ADCY8: variants seen among roughly 807,000 people sequenced by gnomAD.
ADCY8 encodes adenylate cyclase 8, also known as adenylate cyclase type 8.
In ADCY8, 51 loss-of-function variants were observed where a neutral mutation model predicts 119.7. The ratio of observed to expected loss-of-function variants is 0.43; its 90% CI spans 0.34 to 0.54. ADCY8 has a LOEUF of 0.54. Among genes scored for constraint, ADCY8 ranks in the 20% least tolerant of loss-of-function variants. ADCY8 has a pLI of 0.03. For missense variants in ADCY8, 1,383 were observed against 1,598.8 expected, an observed-to-expected ratio of 0.87 and a Z score of 2.30; for synonymous variants, 665 against 651.0, an observed-to-expected ratio of 1.02 and a Z score of -0.33.
intron 4 of ADCY8, among the ~76,000 whole-genome samples, chr8:130,939,303 T>A (rs1032969090): frequency 2.0e-5 from 3 of 152,224 alleles, no homozygotes; most frequent in African/African-American, 7.2e-5. Flanking sequence ...ATTGCTTTTA[T>A]CATTTTTAAA....
chr8:130,879,706 A>T (rs1336368164), intron 8 of ADCY8, among the ~76,000 whole-genome samples: 1 of 152,234 alleles, frequency 6.6e-6, no homozygotes, highest in Non-Finnish European at 1.5e-5. Flanking sequence ...AGCCTGAAAT[A>T]GTTAAATGTG....
intron 15 of ADCY8, among the ~76,000 whole-genome samples, chr8:130,798,056 TTCC>T (rs1815641424): frequency 6.6e-6 from 1 of 152,208 alleles, no homozygotes; most frequent in Non-Finnish European, 1.5e-5. Flanking sequence ...AGGCTAATAA[TTCC>T]TAGCCTAAGG....
intron 1 of ADCY8, among the ~76,000 whole-genome samples, chr8:130,996,766 AAAAATGTGAGC>A (rs1822790129): frequency 1.3e-5 from 2 of 152,196 alleles, no homozygotes; most frequent in African/African-American, 2.4e-5. Context: ...ATCTAAGCAG[AAAAATGTGAGC>A]AAAGTCTCAA....
intron 1 of ADCY8, among the ~76,000 whole-genome samples, chr8:131,012,399 T>C (rs1159553198): frequency 2.6e-5 from 4 of 152,168 alleles, no homozygotes; most frequent in African/African-American, 7.2e-5. Context: ...AAGACTCAAC[T>C]GCAGCAAAAG....
At chr8:130,999,620 A>G (rs1459682670) in intron 1 of ADCY8, among the ~76,000 whole-genome samples, 1 of 152,142 alleles carries the variant, frequency 6.6e-6, no homozygotes, top group Non-Finnish European at 1.5e-5. Context: ...TCTTCATAGC[A>G]CACTTTGTAC....
chr8:130,917,304 G>T (rs778745725), intron 5 of ADCY8, among the ~76,000 whole-genome samples: 1 of 152,168 alleles, frequency 6.6e-6, no homozygotes, highest in Non-Finnish European at 1.5e-5. Context: ...GACAGATCAA[G>T]TTCTGCATTC....
intron 1 of ADCY8, among the ~76,000 whole-genome samples, chr8:131,030,820 C>T (rs560793353): frequency 1.3e-5 from 2 of 152,312 alleles, no homozygotes; most frequent in South Asian, 4.1e-4. Context: ...TTTTGGCCAT[C>T]CTTTCTTGCT....
intron 9 of ADCY8, among the ~76,000 whole-genome samples, chr8:130,860,161 G>A (rs1220419957): frequency 6.6e-6 from 1 of 152,154 alleles, no homozygotes; most frequent in African/African-American, 2.4e-5. Flanking sequence ...GGCCAATGAT[G>A]TTGAGCATTT....
At chr8:130,849,532 G>T (rs1357124488) in intron 10 of ADCY8, 70 bp downstream of exon 10, 1 of 1,508,564 alleles carries the variant, frequency 6.6e-7, no homozygotes, top group Non-Finnish European at 9.2e-7. Context: ...GCAGGAAGCT[G>T]CAGGCTCCAT....
At chr8:130,873,504 G>A (rs908973998) in intron 8 of ADCY8, among the ~76,000 whole-genome samples, 1 of 152,086 alleles carries the variant, frequency 6.6e-6, no homozygotes, top group Non-Finnish European at 1.5e-5. Context: ...ATTTTTAGTA[G>A]AGACGGGGTT....
intron 1 of ADCY8, among the ~76,000 whole-genome samples, chr8:131,021,067 T>A (rs530265728): frequency 6.6e-6 from 1 of 152,308 alleles, no homozygotes; most frequent in African/African-American, 2.4e-5. Flanking sequence ...GCAATTACAA[T>A]GTTATCTCAA....
chr8:130,837,478 C>T (rs1490150518), intron 11 of ADCY8, among the ~76,000 whole-genome samples: 2 of 152,182 alleles, frequency 1.3e-5, no homozygotes, highest in Non-Finnish European at 2.9e-5. Flanking sequence ...TTCATTCCTC[C>T]ACAGCACCCT....
intron 15 of ADCY8, among the ~76,000 whole-genome samples, chr8:130,795,039 C>A (rs992362701): frequency 6.6e-6 from 1 of 152,124 alleles, no homozygotes; most frequent in Non-Finnish European, 1.5e-5. Flanking sequence ...GCCTGGCCAA[C>A]GTGGTGAAAA....
At chr8:130,912,618 C>A (rs1820016070) in intron 5 of ADCY8, among the ~76,000 whole-genome samples, 1 of 152,084 alleles carries the variant, frequency 6.6e-6, no homozygotes, top group African/African-American at 2.4e-5. Flanking sequence ...TAAGGTAATG[C>A]AAAGCTATTT....
At chr8:130,904,739 C>G (rs1819725646) in intron 6 of ADCY8, among the ~76,000 whole-genome samples, 1 of 152,214 alleles carries the variant, frequency 6.6e-6, no homozygotes, top group African/African-American at 2.4e-5. Context: ...TTGTCAGCCA[C>G]TGTGGCTCAT....
At chr8:130,900,083 G>A (rs1343431421) in intron 7 of ADCY8, among the ~76,000 whole-genome samples, 1 of 152,174 alleles carries the variant, frequency 6.6e-6, no homozygotes. Flanking sequence ...CTGAGTCAGG[G>A]TTCAGGAAAC....
chr8:130,781,752 A>G (rs1345479942), intron 17 of ADCY8, among the ~76,000 whole-genome samples: 2 of 152,176 alleles, frequency 1.3e-5, no homozygotes, highest in Non-Finnish European at 2.9e-5. Context: ...ACTTTTAAAG[A>G]CAGTTTCAGT....
At chr8:130,846,021 A>G (rs1394383966) in intron 11 of ADCY8, among the ~76,000 whole-genome samples, 2 of 152,150 alleles carry the variant, frequency 1.3e-5, no homozygotes, top group African/African-American at 4.8e-5. Context: ...TGATGATGTT[A>G]TGCATATCAA....
intron 8 of ADCY8, among the ~76,000 whole-genome samples, chr8:130,880,623 C>T (rs987915314): frequency 9.2e-5 from 14 of 152,130 alleles, no homozygotes; most frequent in African/African-American, 3.1e-4. Flanking sequence ...AATAGGTCTC[C>T]TCTCCCCTAT....
Sources: allele counts gnomAD v4.1 joint callset (sites outside exome capture counted in the v4.1 genomes callset), GRCh38; gene constraint gnomAD v4.1.1; transcripts MANE v1.5; gene names NCBI Gene and HGNC (gene_info 2026-07-23, HGNC 2026-07-21).